HNF4A: variants seen among roughly 807,000 people sequenced by gnomAD.
The protein encoded by HNF4A is hepatocyte nuclear factor 4 alpha.
Under a neutral mutation model 52.4 loss-of-function variants are expected in HNF4A, and 15 were observed. The observed-to-expected ratio is 0.29, with a 90% confidence interval of 0.19 to 0.44. The LOEUF is 0.44. Among genes scored for constraint, HNF4A ranks in the 20% least tolerant of loss-of-function variants. The pLI is 1.00. For missense variants in HNF4A, 479 were observed against 647.2 expected (o/e 0.74, Z 2.82); for synonymous variants, 280 against 264.4 (o/e 1.06, Z -0.57).
Position 44,414,672 on chromosome 20 carries a change from G to A in HNF4A, c.648+10G>A. 1.9e-6 allele frequency: 3 copies of A among 1,593,432 alleles called. No homozygotes were observed. The Admixed American group carries it at 5.4e-5, about 29-fold the overall frequency. On this transcript the variant is annotated intron_variant, in intron 5 of 9. Transcript: ENST00000316099. ...CCCCCTGGACGACCAGGTGAGGATG[G>A]GCGTGGATGGTGGGCAGTAGTGGGC...
At chr20:44,389,430 T>C (rs993897450) in intron 1 of HNF4A, among the ~76,000 whole-genome samples, 2 of 152,216 alleles carry the variant, frequency 1.3e-5, no homozygotes, top group Admixed American at 1.3e-4. Flanking sequence ...CCATGCATTA[T>C]TTGGGACACG....
At chr20:44,383,223 T>C (rs141152921) in intron 1 of HNF4A, among the ~76,000 whole-genome samples, 95 of 152,334 alleles carry the variant, frequency 6.2e-4, no homozygotes, top group African/African-American at 2.2e-3. Flanking sequence ...GCCATCATTT[T>C]ATAGGTAATG....
At chr20:44,420,556 G>T (rs1327673420) in intron 7 of HNF4A, among the ~76,000 whole-genome samples, 1 of 152,168 alleles carries the variant, frequency 6.6e-6, no homozygotes, top group African/African-American at 2.4e-5. Context: ...GAGGCAGGAG[G>T]ATCACTTCAG....
chr20:44,405,475 A>C (rs1367692128), intron 1 of HNF4A, among the ~76,000 whole-genome samples: 1 of 152,120 alleles, frequency 6.6e-6, no homozygotes, highest in Non-Finnish European at 1.5e-5. Flanking sequence ...ACCTGCCTCT[A>C]CGGCCCCCCT....
intron 1 of HNF4A, among the ~76,000 whole-genome samples, chr20:44,384,348 AAAG>A (rs778455917): frequency 1.7e-4 from 26 of 152,202 alleles, no homozygotes; most frequent in Admixed American, 1.4e-3. Context: ...ATTGAAGTAA[AAAG>A]AAGTGAGTTG....
At chr20:44,411,113 C>T (rs1454976457) in intron 3 of HNF4A, among the ~76,000 whole-genome samples, 2 of 152,114 alleles carry the variant, frequency 1.3e-5, no homozygotes, top group Admixed American at 6.5e-5. Context: ...GACAAATATT[C>T]GGCTCCTGGC....
chr20:44,411,519 G>A (rs1025633017), intron 3 of HNF4A, among the ~76,000 whole-genome samples: 7 of 151,756 alleles, frequency 4.6e-5, no homozygotes, highest in African/African-American at 1.5e-4. Flanking sequence ...GGAGGCTGCC[G>A]TGGGAGGGGT....
At chr20:44,424,556 G>T in intron 8 of HNF4A, 3 of 1,194,248 alleles carry the variant, frequency 2.5e-6, no homozygotes, top group Non-Finnish European at 3.5e-6. Context: ...TGGATGCGTG[G>T]ATATCTGTGT....
At chr20:44,428,303 T>G in intron 8 of HNF4A, 32 bp from the exon 9 acceptor site, 3 of 1,612,822 alleles carry the variant, frequency 1.9e-6, no homozygotes, top group Non-Finnish European at 2.5e-6. Context: ...CATCCCAGAC[T>G]CTCCATCCTG....
In HNF4A at chr20:44,428,229, A is replaced by G. The variant is rs137893334; in HGVS notation, c.1130-106A>G. On this transcript the variant is annotated intron_variant, in intron 8 of 9. Transcript: ENST00000316099. ...AATAGGTACCCAACAGGCACTGCCA[A>G]TATTGGATGGGCTGGTTGATTGGCC... is the stretch of plus-strand genomic sequence containing the variant. 8.6e-5 allele frequency: 100 copies of G among 1,157,048 alleles called. No homozygotes were observed. In the East Asian group the frequency reaches 2.2e-3, roughly 25 times the overall value. The allele number at this position is 1,157,048 out of a possible 1,614,324, so 71.7% of individuals were successfully genotyped here. A position where few individuals can be genotyped will look rare whatever the true frequency, so the allele number is the denominator to read the frequency against.
In HNF4A at chr20:44,377,104, CAT is replaced by C. The variant is rs548011457; in HGVS notation, c.49+21253_49+21254del. Among the ~76,000 whole-genome samples, 452 of 152,154 alleles carry C rather than the reference CAT, an allele frequency of 3.0e-3. 1 individual carries two copies. The highest frequency in any genetic ancestry group is 0.011 in the African/African-American group (440 of 41,512). On this transcript the variant is annotated intron_variant, in intron 1 of 9. Transcript: ENST00000316673. The stretch of plus-strand genomic sequence containing the variant: ...GTGTATCCATGAAGTACTATACAGT[CAT>C]AAAAAAGAATGAAATCATGTCCTCT...
intron 1 of HNF4A, chr20:44,390,810 C>A: frequency 1.6e-6 from 1 of 619,198 alleles, no homozygotes; most frequent in Non-Finnish European, 2.9e-6. Context: ...AACCCAGGAA[C>A]GTCCATGGCC....
In HNF4A at chr20:44,371,823, AAAAAT is replaced by A. The variant is rs1328694580; in HGVS notation, c.49+15974_49+15978del. ...GGGCGACAGAGCAAGACCCTGTCAA[AAAAAT>A]AAATTAAAGAAAATCCCAACTTTCA... On this transcript the variant is annotated intron_variant, in intron 1 of 9. Coordinates refer to the HNF4A transcript ENST00000316673. 2.6e-5 allele frequency among the ~76,000 whole-genome samples: 4 copies of A among 152,228 alleles called. No individual in the cohort carries two copies. The East Asian group carries it at 7.7e-4, about 29-fold the overall frequency.
upstream of HNF4A, among the ~76,000 whole-genome samples, chr20:44,398,719 A>G (rs2063375423): frequency 6.6e-6 from 1 of 152,212 alleles, no homozygotes; most frequent in Non-Finnish European, 1.5e-5. Flanking sequence ...TGTATCTAAT[A>G]GCTCTTCATT....
Position 44,419,883 on chromosome 20 carries a change from T to C in HNF4A, c.892+7T>C. The C allele has an allele frequency of 3.1e-6, 5 of 1,613,978 alleles. No homozygotes were observed. The highest frequency in any genetic ancestry group is 4.2e-6 in the Non-Finnish European group (5 of 1,179,844). On this transcript the variant is annotated splice_region_variant and intron_variant, in intron 7 of 9. Coordinates refer to ENST00000316099, the MANE Select transcript of HNF4A (RefSeq NM_000457.6). The stretch of plus-strand genomic sequence containing the variant: ...ATCATCTTCTTTGACCCAGGTACAG[T>C]GCACACCTCCTAAGCCATCCCTGAC...
At chr20:44,406,951 C>T (rs1022997860) in intron 2 of HNF4A, among the ~76,000 whole-genome samples, 20 of 152,300 alleles carry the variant, frequency 1.3e-4, no homozygotes, top group Middle Eastern at 6.8e-3. Context: ...CCCATCACCA[C>T]GGTGTGGCAC....
In HNF4A at chr20:44,413,765, A is replaced by G. The variant is rs1365082353; in HGVS notation, c.457A>G (p.Asn153Asp). The change falls in exon 4 of 10, where the codon AAT (asparagine) becomes GAT (aspartate). Residue 153 changes from asparagine to aspartate, a missense_variant. Physicochemically the swap from Asn to Asp is conservative, Grantham distance 23 (BLOSUM62 1). This residue lies in a region of HNF4A where 389 missense variants were observed against 525.1 expected (regional missense o/e 0.74). Coordinates refer to ENST00000316099, the MANE Select transcript of HNF4A (RefSeq NM_000457.6). ...TGAGGACAGCAGCCTGCCCTCCATC[A>G]ATGCGCTCCTGCAGGCGGAGGTCCT... is the stretch of plus-strand genomic sequence containing the variant. The G allele has an allele frequency of 6.2e-7, 1 of 1,613,836 alleles. No individual in the cohort carries two copies. The highest frequency in any genetic ancestry group is 1.7e-5 in the Admixed American group (1 of 60,004).
intron 1 of HNF4A, among the ~76,000 whole-genome samples, chr20:44,392,595 C>G (rs2146308284): frequency 6.6e-6 from 1 of 152,330 alleles, no homozygotes; most frequent in Middle Eastern, 3.4e-3. Flanking sequence ...CCTCCCATCT[C>G]AGCCTCCCAA....
Position 44,406,089 on chromosome 20 carries a change from C to T in HNF4A, c.147C>T (p.Asn49=), listed in dbSNP as rs570058788. The T allele has an allele frequency of 2.4e-4, 395 of 1,613,030 alleles. 3 individuals are homozygous for T. In the South Asian group the frequency reaches 3.9e-3, roughly 16 times the overall value. Residue 49 remains asparagine, a synonymous_variant, in exon 2 of 10, where the codon AAC becomes AAT. Transcript: ENST00000316099. ...CCCCATCAGAAGGCACCAACCTCAA[C>T]GCGCCCAACAGCCTGGGTGTCAGCG...
Sources: gnomAD v4.1 joint callset for allele counts (sites outside exome capture counted in the v4.1 genomes callset) on GRCh38, gnomAD v4.1.1 for gene constraint, gnomAD v4.1.1 regional missense constraint, MANE v1.5 for transcripts, NCBI Gene and HGNC (gene_info 2026-07-23, HGNC 2026-07-21) for gene names.